TSHR: variants seen among roughly 807,000 people sequenced by gnomAD.
The protein encoded by TSHR is thyroid stimulating hormone receptor.
In TSHR, 51 loss-of-function variants were observed where a neutral mutation model predicts 64.1. That is an observed-to-expected ratio of 0.80 (90% CI 0.64 to 1.01). The LOEUF (loss-of-function observed/expected upper bound fraction) is 1.01. Ranked by LOEUF, TSHR falls within the 50% of genes least tolerant of loss-of-function variation. The pLI is 0.00. For missense variants in TSHR, 877 were observed against 942.8 expected (o/e 0.93, Z 0.91); for synonymous variants, 361 against 361.9 (o/e 1.00, Z 0.03).
intron 8 of TSHR, among the ~76,000 whole-genome samples, chr14:81,119,448 T>C (rs1486242833): frequency 7.0e-6 from 1 of 142,208 alleles, no homozygotes; most frequent in East Asian, 2.3e-4. Flanking sequence ...TCACTGGCCA[T>C]CAGAGAAATG....
At chr14:80,985,714 C>T (rs1463358162) in intron 1 of TSHR, among the ~76,000 whole-genome samples, 1 of 152,146 alleles carries the variant, frequency 6.6e-6, no homozygotes, top group Non-Finnish European at 1.5e-5. Flanking sequence ...CAAGATCATA[C>T]TGTAAATATG....
In TSHR at chr14:81,144,177, C is replaced by G. The variant is rs568577739; in HGVS notation, c.2119C>G (p.Arg707Gly). 5.0e-6 allele frequency: 8 copies of G among 1,613,928 alleles called. No homozygotes were observed. Among genetic ancestry groups the G allele is most frequent in the Non-Finnish European group, 6.8e-6 (8 of 1,179,910 alleles). ...CTGTAAACGCCAGGCTCAGGCATAC[C>G]GGGGGCAGAGGGTTCCTCCAAAGAA... ...GICKRQAQAY[R>G]GQRVPPKNST... Residue 707 changes from arginine to glycine, a missense_variant, in exon 10 of 10, where the codon CGG becomes GGG. Transcript: ENST00000298171.
At chr14:80,994,002 A>T (rs1888875074) in intron 1 of TSHR, 1 of 152,204 alleles carries the variant, frequency 6.6e-6, no homozygotes, top group East Asian at 1.9e-4. Flanking sequence ...CACATCCTCC[A>T]TCTCTTCCAT....
At chr14:80,972,041 T>G (rs1331277319) in intron 1 of TSHR, among the ~76,000 whole-genome samples, 2 of 152,202 alleles carry the variant, frequency 1.3e-5, no homozygotes, top group Non-Finnish European at 2.9e-5. Flanking sequence ...AGGGAAGAAT[T>G]TTCCATAACA....
intron 1 of TSHR, among the ~76,000 whole-genome samples, chr14:81,044,337 A>G (rs570031229): frequency 1.3e-5 from 2 of 152,324 alleles, no homozygotes; most frequent in South Asian, 2.1e-4. Context: ...AAAGGTCAAC[A>G]TCACTGATCA....
chr14:81,082,133 GA>G (rs1887947850), intron 3 of TSHR, among the ~76,000 whole-genome samples: 1 of 152,178 alleles, frequency 6.6e-6, no homozygotes, highest in African/African-American at 2.4e-5. Context: ...ATAGGGAGAA[GA>G]AAAACAAATT....
At chr14:81,074,122 G>A (rs866652679) in intron 3 of TSHR, among the ~76,000 whole-genome samples, 6 of 151,832 alleles carry the variant, frequency 4.0e-5, no homozygotes, top group Admixed American at 1.3e-4. Context: ...TTCCTAAACC[G>A]AAGGAAACTA....
chr14:80,974,699 GA>G (rs1454859842), intron 1 of TSHR, among the ~76,000 whole-genome samples: 6 of 152,300 alleles, frequency 3.9e-5, no homozygotes, highest in African/African-American at 1.4e-4. Context: ...TTACTCGTAA[GA>G]AACTTGGCAC....
chr14:80,959,418 T>C (rs1886901736), intron 1 of TSHR: 1 of 152,242 alleles, frequency 6.6e-6, no homozygotes, highest in African/African-American at 2.4e-5. Flanking sequence ...GATTGACCCA[T>C]CACCCTCTCT....
At chr14:81,109,213 T>A (rs1172637080) in intron 8 of TSHR, among the ~76,000 whole-genome samples, 1 of 152,044 alleles carries the variant, frequency 6.6e-6, no homozygotes, top group Non-Finnish European at 1.5e-5. Context: ...ATCGAGACCA[T>A]CCTGGCTAAC....
intron 1 of TSHR, among the ~76,000 whole-genome samples, chr14:80,960,394 G>T (rs1339494480): frequency 6.6e-6 from 1 of 152,186 alleles, no homozygotes; most frequent in East Asian, 1.9e-4. Context: ...CCCAAACACA[G>T]CCCCACACAT....
At chr14:81,101,515 T>C (rs1042413148) in intron 7 of TSHR, among the ~76,000 whole-genome samples, 15 of 152,202 alleles carry the variant, frequency 9.9e-5, no homozygotes, top group African/African-American at 3.4e-4. Context: ...ATGCTTCTAA[T>C]GTTAAATATG....
intron 8 of TSHR, among the ~76,000 whole-genome samples, chr14:81,115,959 G>A (rs1313691732): frequency 6.6e-6 from 1 of 151,984 alleles, no homozygotes; most frequent in African/African-American, 2.4e-5. Context: ...GAAATAAAAT[G>A]CTTTACAGAC....
At chr14:81,115,200 GAGA>G (rs1411463836) in intron 8 of TSHR, among the ~76,000 whole-genome samples, 1 of 152,104 alleles carries the variant, frequency 6.6e-6, no homozygotes, top group Non-Finnish European at 1.5e-5. Flanking sequence ...GACGAGCTGA[GAGA>G]AGAAGGCTTC....
At chr14:81,117,473 AC>A (rs1202693329) in intron 8 of TSHR, among the ~76,000 whole-genome samples, 1 of 124,590 alleles carries the variant, frequency 8.0e-6, no homozygotes, top group Non-Finnish European at 1.6e-5. Flanking sequence ...CTCTCCCAAG[AC>A]TAAACCAGGA....
At chr14:81,087,009 T>C (rs1241936024) in intron 3 of TSHR, among the ~76,000 whole-genome samples, 1 of 152,236 alleles carries the variant, frequency 6.6e-6, no homozygotes, top group African/African-American at 2.4e-5. Flanking sequence ...TTCAAAATCA[T>C]GTAATGTTAC....
rs1005245666 is a variant in TSHR at position 80,982,342 on chromosome 14, A to C, written c.170+26492A>C. On this transcript the variant is annotated intron_variant, in intron 1 of 9. Transcript: ENST00000298171. ...GGTCTGGGCTGAGGAAGAGGCCACTATCAATTCCTGGTTCTGAAATGGAGA... is the reference window on the plus strand; with the variant it reads ...GGTCTGGGCTGAGGAAGAGGCCACTCTCAATTCCTGGTTCTGAAATGGAGA... 1.9e-5 allele frequency: 24 copies of C among 1,232,124 alleles called. No individual in the cohort carries two copies. In the Admixed American group the frequency reaches 2.3e-4, roughly 12 times the overall value. 76.3% of individuals were successfully genotyped at this position (1,232,124 alleles called of 1,614,324 possible).
At chr14:81,096,530 A>C in intron 6 of TSHR, 109 bp from the exon 7 acceptor site, 1 of 1,103,894 alleles carries the variant, frequency 9.1e-7, no homozygotes, top group Non-Finnish European at 1.4e-6. Flanking sequence ...GGACCTGAAA[A>C]ACCTTTATGT....
At chr14:80,967,251 C>CCA (rs375941248) in intron 1 of TSHR, among the ~76,000 whole-genome samples, 8 of 146,548 alleles carry the variant, frequency 5.5e-5, no homozygotes, top group Non-Finnish European at 9.0e-5. Context: ...GGATTTTGAG[C>CCA]CACACACACA....
Sources: gnomAD v4.1 joint callset for allele counts (sites outside exome capture counted in the v4.1 genomes callset) on GRCh38, gnomAD v4.1.1 for gene constraint, MANE v1.5 for transcripts, NCBI Gene and HGNC (gene_info 2026-07-23, HGNC 2026-07-21) for gene names.